Variants in SLC22A15 observed in about 807,000 individuals in gnomAD.
The protein encoded by SLC22A15 is solute carrier family 22 member 15.
A neutral mutation model predicts 62.7 loss-of-function variants in SLC22A15; 45 were observed. The ratio of observed to expected loss-of-function variants is 0.72; its 90% CI spans 0.56 to 0.92. SLC22A15 has a LOEUF of 0.92. SLC22A15 is among the 40% of genes least tolerant of loss of function. The probability of loss-of-function intolerance (pLI) is 0.00; values close to 1 mark genes in which losing one functional copy is unlikely to be tolerated. For missense variants in SLC22A15, 622 were observed against 665.6 expected (o/e 0.93, Z 0.72); for synonymous variants, 264 against 267.0 (o/e 0.99, Z 0.11).
intron 8 of SLC22A15, among the ~76,000 whole-genome samples, chr1:116,043,798 G>A (rs1208585183): frequency 6.6e-6 from 1 of 152,068 alleles, no homozygotes; most frequent in East Asian, 1.9e-4. Context: ...GAACCTATAG[G>A]CATTTAATAA....
intron 2 of SLC22A15, among the ~76,000 whole-genome samples, chr1:116,007,437 T>C (rs1236203657): frequency 9.9e-5 from 15 of 152,238 alleles, no homozygotes; most frequent in Admixed American, 9.8e-4. Flanking sequence ...GTGGCCTGCC[T>C]ACTTGTTGGA....
intron 2 of SLC22A15, among the ~76,000 whole-genome samples, chr1:116,018,404 T>G (rs896361687): frequency 6.6e-6 from 1 of 152,076 alleles, no homozygotes; most frequent in Non-Finnish European, 1.5e-5. Context: ...TCGCTCTGTC[T>G]CCCAGGCTGG....
In SLC22A15 at chr1:115,993,934, C is replaced by T. The variant is rs59389313; in HGVS notation, c.300+1691C>T. On this transcript the variant is annotated intron_variant, in intron 2 of 11. Coordinates refer to ENST00000369503, the MANE Select transcript of SLC22A15 (RefSeq NM_018420.3). ...TTGTCAGGAAAGCCCTCACCGCTTG[C>T]CCTGGCTTCCACCTGGTGAAATCCT... Among the ~76,000 whole-genome samples, 808 of 152,260 alleles carry T rather than the reference C, an allele frequency of 5.3e-3. 7 individuals are homozygous for T. The highest frequency in any genetic ancestry group is 0.018 in the African/African-American group (756 of 41,544).
At chr1:116,033,635 C>CA (rs528837130) in intron 6 of SLC22A15, among the ~76,000 whole-genome samples, 177 of 151,522 alleles carry the variant, frequency 1.2e-3, no homozygotes, top group African/African-American at 2.0e-3. Flanking sequence ...GCAGAACAGA[C>CA]ACAGAAAACC....
At chr1:115,990,819 G>A (rs553278548) in intron 1 of SLC22A15, among the ~76,000 whole-genome samples, 15 of 152,118 alleles carry the variant, frequency 9.9e-5, no homozygotes, top group African/African-American at 2.7e-4. Context: ...GTGCAGTGGC[G>A]TGATCTCAGC....
chr1:116,035,353 G>A lies in SLC22A15; in HGVS notation c.1085+26G>A, dbSNP rs761259238. On this transcript the variant is annotated intron_variant, in intron 7 of 11. Transcript: ENST00000369503. ...GTGAGTAAGTGTGGATGAATATGAA[G>A]TGCACCGTAGAGAATGCACACATAC... 4 of 1,600,596 alleles carry A rather than the reference G, an allele frequency of 2.5e-6. No homozygotes were observed. In the African/African-American group the frequency reaches 4.0e-5, roughly 16 times the overall value.
At chr1:116,024,463 A>G (rs1287889878) in intron 4 of SLC22A15, among the ~76,000 whole-genome samples, 1 of 152,244 alleles carries the variant, frequency 6.6e-6, no homozygotes, top group East Asian at 1.9e-4. Flanking sequence ...TAAAATAGGC[A>G]TAGTACTTAA....
At chr1:116,001,765 T>C (rs146339644) in intron 2 of SLC22A15, among the ~76,000 whole-genome samples, 149 of 152,276 alleles carry the variant, frequency 9.8e-4, no homozygotes, top group African/African-American at 3.5e-3. Context: ...CACTGAGCTT[T>C]CTCAAAACAT....
At chr1:116,048,722 C>G (rs1657987033) in intron 8 of SLC22A15, among the ~76,000 whole-genome samples, 1 of 152,070 alleles carries the variant, frequency 6.6e-6, no homozygotes, top group Admixed American at 6.6e-5. Flanking sequence ...CAAAAAATAG[C>G]ACAATGAATG....
Position 116,067,458 on chromosome 1 carries a change from G to C in SLC22A15, c.*350G>C. The stretch of plus-strand genomic sequence containing the variant: ...TTTCCTTCATCATGATCTAAATAAA[G>C]GCAGATATGTAAAATTTCTCACCAT... On this transcript the variant is annotated 3_prime_UTR_variant, in exon 12 of 12. Coordinates refer to ENST00000369503, the MANE Select transcript of SLC22A15 (RefSeq NM_018420.3). The C allele has an allele frequency of 4.9e-6, 1 of 205,588 alleles. No homozygotes were observed. The highest frequency in any genetic ancestry group is 9.8e-6 in the Non-Finnish European group (1 of 102,344). The allele number at this position is 205,588 out of a possible 1,614,324, so 12.7% of individuals were successfully genotyped here.
intron 8 of SLC22A15, among the ~76,000 whole-genome samples, chr1:116,060,078 A>G (rs1658339780): frequency 6.6e-6 from 1 of 152,168 alleles, no homozygotes; most frequent in African/African-American, 2.4e-5. Flanking sequence ...ATAATATCTG[A>G]TTTTCAGATA....
Position 116,067,046 on chromosome 1 carries a change from AG to A in SLC22A15, c.1583del (p.Ser528MetfsTer18). 2 of 1,612,460 alleles carry A rather than the reference AG, an allele frequency of 1.2e-6. No homozygotes were observed. The highest frequency in any genetic ancestry group is 1.7e-6 in the Non-Finnish European group (2 of 1,179,414). On this transcript the variant is annotated frameshift_variant, in exon 12 of 12. Coordinates refer to ENST00000369503, the MANE Select transcript of SLC22A15 (RefSeq NM_018420.3). LOFTEE classifies it high-confidence loss of function. ...TGTGGACAAGGAGAGCTCTTTAGGG[AG>A]TGAGAGTGAGGAAGAGGAAGAATTT... ...QCVDKESSLG[S>X]ESEEEEEFYD...
At chr1:116,003,259 C>A (rs549525451) in intron 2 of SLC22A15, among the ~76,000 whole-genome samples, 1 of 152,280 alleles carries the variant, frequency 6.6e-6, no homozygotes, top group Admixed American at 6.5e-5. Context: ...ACTCTTCCCT[C>A]TTTTCCTGGA....
At chr1:115,993,453 GTGTGTC>G (rs1425695103) in intron 2 of SLC22A15, among the ~76,000 whole-genome samples, 74 of 150,152 alleles carry the variant, frequency 4.9e-4, no homozygotes, top group Non-Finnish European at 7.2e-4. Context: ...GTGTGTGTGT[GTGTGTC>G]TGTCTGTCTG....
intron 1 of SLC22A15, among the ~76,000 whole-genome samples, chr1:115,985,665 A>G (rs534432260): frequency 1.3e-5 from 2 of 151,812 alleles, no homozygotes; most frequent in Admixed American, 1.3e-4. Context: ...AAAGAGAGAG[A>G]AGGCCGGGCG....
intron 10 of SLC22A15, 132 bp downstream of exon 10, chr1:116,064,640 T>C: frequency 1.5e-6 from 1 of 672,616 alleles, no homozygotes; most frequent in Non-Finnish European, 2.7e-6. Context: ...TTGGCCCTTT[T>C]AGATAGTATT....
At chr1:116,040,614 T>C (rs957749585) in intron 8 of SLC22A15, among the ~76,000 whole-genome samples, 1 of 152,078 alleles carries the variant, frequency 6.6e-6, no homozygotes, top group Non-Finnish European at 1.5e-5. Flanking sequence ...CTTAGAGAGA[T>C]TTTTTTGTAT....
chr1:116,008,859 CTG>C (rs1325657600), intron 2 of SLC22A15, among the ~76,000 whole-genome samples: 1 of 152,160 alleles, frequency 6.6e-6, no homozygotes, highest in Non-Finnish European at 1.5e-5. Flanking sequence ...GGCAGCCCAT[CTG>C]TGAGTGGTGT....
chr1:116,055,007 G>A (rs1018424586), intron 8 of SLC22A15, among the ~76,000 whole-genome samples: 1 of 151,780 alleles, frequency 6.6e-6, no homozygotes, highest in East Asian at 1.9e-4. Context: ...AGAAAAGAAA[G>A]AGCAAACACA....
Sources: gnomAD v4.1 joint callset for allele counts (sites outside exome capture counted in the v4.1 genomes callset) on GRCh38, gnomAD v4.1.1 for gene constraint, MANE v1.5 for transcripts, NCBI Gene and HGNC (gene_info 2026-07-23, HGNC 2026-07-21) for gene names.